Variants in NUP98 observed in about 807,000 individuals in gnomAD.
NUP98 encodes the protein nucleoporin 98 and 96 precursor, also known as nuclear pore complex protein Nup98-Nup96.
A neutral mutation model predicts 191.9 loss-of-function variants in NUP98; 26 were observed. That is an observed-to-expected ratio of 0.14 (90% CI 0.10 to 0.19). The LOEUF (loss-of-function observed/expected upper bound fraction) is 0.19. NUP98 is among the 10% of genes least tolerant of loss of function. The pLI is 1.00. For synonymous variants in NUP98, 808 were observed against 778.4 expected (o/e 1.04, Z -0.63); for missense variants, 1,941 against 2,178.8 (o/e 0.89, Z 2.17).
rs2078397603 is a variant in NUP98 at position 3,693,720 on chromosome 11, CAA to C, written c.4168-347_4168-346del. Among the ~76,000 whole-genome samples, 2 of 152,242 alleles carry C rather than the reference CAA, an allele frequency of 1.3e-5. 1 individual carries two copies. Among genetic ancestry groups the C allele is most frequent in the South Asian group, 4.1e-4 (2 of 4,820 alleles). On this transcript the variant is annotated intron_variant, in intron 26 of 32. Transcript: ENST00000324932. ...AGGATTTAATCAATCAATCAGTACT[CAA>C]ATGAGATGAGAGCCATTGAGAGCAG...
chr11:3,723,218 A>C lies in NUP98; in HGVS notation c.2085T>G (p.Asp695Glu), dbSNP rs1175464322. The C allele has an allele frequency of 6.2e-7, 1 of 1,614,128 alleles. No homozygotes were observed. Among genetic ancestry groups the C allele is most frequent in the South Asian group, 1.1e-5 (1 of 91,086 alleles). The change falls in exon 16 of 33, where the codon GAT (aspartate) becomes GAG (glutamate). Residue 695 changes from aspartate (D) to glutamate (E), a missense_variant. Transcript: ENST00000324932. ...CTTCTCGGTCATCCTGAAGTGACTC[A>C]TCATGAAAAGACGTTTCTTCACTGC... ...EGSSEETSFH[D>E]ESLQDDREEI...
At position 3,708,464 on chromosome 11, in the gene NUP98, C is replaced by T. The variant is rs2078931055; in HGVS notation, c.2743-1837G>A. Among the ~76,000 whole-genome samples the T allele has an allele frequency of 4.6e-5, 7 of 152,062 alleles. No homozygotes were observed. In the South Asian group the frequency reaches 1.5e-3, roughly 32 times the overall value. On this transcript the variant is annotated intron_variant, in intron 20 of 32. Transcript: ENST00000324932. ...ACTCGTCGTATGTTTACGAAGAATG[C>T]TAAGGATCAAGGTTTTATTTATTCT... is the stretch of plus-strand genomic sequence containing the variant.
At chr11:3,684,400 A>C (rs1291904549) in intron 29 of NUP98, among the ~76,000 whole-genome samples, 1 of 152,158 alleles carries the variant, frequency 6.6e-6, no homozygotes, top group Admixed American at 6.5e-5. Context: ...AACTATTCTC[A>C]TTATGGACTC....
At chr11:3,763,100 G>C in intron 8 of NUP98, 61 bp from the exon 9 acceptor site, 13 of 1,488,916 alleles carry the variant, frequency 8.7e-6, no homozygotes, top group Non-Finnish European at 1.2e-5. Flanking sequence ...ACGAATCTCA[G>C]AGTAATAAAA....
chr11:3,707,944 T>C (rs1284370726), intron 20 of NUP98, among the ~76,000 whole-genome samples: 2 of 151,692 alleles, frequency 1.3e-5, no homozygotes, highest in African/African-American at 4.8e-5. Flanking sequence ...CTACTAAAAA[T>C]ACAAAAATTA....
At chr11:3,767,234 T>A (rs2081369109) in intron 8 of NUP98, among the ~76,000 whole-genome samples, 1 of 151,694 alleles carries the variant, frequency 6.6e-6, no homozygotes, top group South Asian at 2.1e-4. Flanking sequence ...GTGCTGGGAT[T>A]ACAGGCAGGA....
intron 30 of NUP98, among the ~76,000 whole-genome samples, chr11:3,681,414 G>A (rs1029513425): frequency 6.6e-6 from 1 of 152,114 alleles, no homozygotes; most frequent in South Asian, 2.1e-4. Context: ...CAGAGGAATC[G>A]CTATCTATAT....
intron 10 of NUP98, among the ~76,000 whole-genome samples, chr11:3,754,449 T>C (rs2080886269): frequency 6.6e-6 from 1 of 151,858 alleles, no homozygotes; most frequent in African/African-American, 2.4e-5. Flanking sequence ...AAAATAAAAA[T>C]AAAACAATCA....
At chr11:3,754,796 G>C (rs1282721798) in intron 10 of NUP98, among the ~76,000 whole-genome samples, 1 of 151,964 alleles carries the variant, frequency 6.6e-6, no homozygotes, top group African/African-American at 2.4e-5. Flanking sequence ...ACACAAATTA[G>C]CTGGGTGTGG....
At chr11:3,749,316 A>C (rs1261996277) in intron 11 of NUP98, among the ~76,000 whole-genome samples, 2 of 150,454 alleles carry the variant, frequency 1.3e-5, no homozygotes, top group Admixed American at 6.6e-5. Context: ...CTCCGTCTCA[A>C]AAAAAAAATA....
chr11:3,694,134 G>C (rs2078418503), intron 26 of NUP98, among the ~76,000 whole-genome samples: 1 of 151,842 alleles, frequency 6.6e-6, no homozygotes, highest in East Asian at 1.9e-4. Flanking sequence ...CACTTTGGGA[G>C]GCCGAGGTGG....
intron 1 of NUP98, among the ~76,000 whole-genome samples, chr11:3,786,307 C>A (rs2082139038): frequency 6.6e-6 from 1 of 152,204 alleles, no homozygotes; most frequent in Non-Finnish European, 1.5e-5. Context: ...AAAGACACTT[C>A]TCTGGCAAAT....
chr11:3,753,458 T>C, intron 10 of NUP98, 50 bp from the exon 11 acceptor site: 1 of 1,435,162 alleles, frequency 7.0e-7, no homozygotes, highest in Non-Finnish European at 9.8e-7. Flanking sequence ...TAACTCTCAA[T>C]TTCCTCTATA....
chr11:3,768,481 T>C, intron 8 of NUP98, 100 bp downstream of exon 8: 1 of 1,120,942 alleles, frequency 8.9e-7, no homozygotes, highest in Non-Finnish European at 1.2e-6. Flanking sequence ...CTCTTAAGAT[T>C]TGCAGTACAG....
intron 7 of NUP98, among the ~76,000 whole-genome samples, chr11:3,769,705 C>T (rs2081458849): frequency 6.6e-6 from 1 of 151,672 alleles, no homozygotes; most frequent in South Asian, 2.1e-4. Flanking sequence ...ATCAGGAGTT[C>T]GAGACCAGCA....
intron 12 of NUP98, among the ~76,000 whole-genome samples, chr11:3,740,949 G>T (rs917281279): frequency 1.3e-5 from 2 of 151,888 alleles, no homozygotes; most frequent in Non-Finnish European, 2.9e-5. Flanking sequence ...CTCCAGAGTA[G>T]CTGGGATTAC....
At chr11:3,724,780 CAAAAA>C (rs71041382) in intron 15 of NUP98, among the ~76,000 whole-genome samples, 13 of 80,166 alleles carry the variant, frequency 1.6e-4, no homozygotes, top group African/African-American at 7.3e-4. Flanking sequence ...GACTCTGTCT[CAAAAA>C]AAAAAAAGAA....
At chr11:3,791,232 G>T (rs1330002574) in intron 1 of NUP98, among the ~76,000 whole-genome samples, 1 of 151,838 alleles carries the variant, frequency 6.6e-6, no homozygotes, top group Non-Finnish European at 1.5e-5. Context: ...ACAAACTATG[G>T]TTATTAAGAT....
Position 3,763,037 on chromosome 11 carries a change from T to G in NUP98, c.951A>C (p.Gly317=), listed in dbSNP as rs770102344. The G allele has an allele frequency of 6.2e-7, 1 of 1,613,704 alleles. No individual in the cohort carries two copies. The highest frequency in any genetic ancestry group is 8.5e-7 in the Non-Finnish European group (1 of 1,179,892). Reference sequence around the variant, plus strand: ...GTGAGGCTTGGGTTACTCCAAATAATCCCTGCAAAGAAGTTTATATAGATT... The same window carrying G: ...GTGAGGCTTGGGTTACTCCAAATAAGCCCTGCAAAGAAGTTTATATAGATT... ...TIGQPSTNTM[G]LFGVTQASQP... Residue 317 remains glycine (G), a splice_region_variant and synonymous_variant, in exon 9 of 33, where the codon GGA becomes GGC. Transcript: ENST00000324932.
Sources: gnomAD v4.1 joint callset for allele counts (sites outside exome capture counted in the v4.1 genomes callset) on GRCh38, gnomAD v4.1.1 for gene constraint, MANE v1.5 for transcripts, NCBI Gene and HGNC (gene_info 2026-07-23, HGNC 2026-07-21) for gene names.